The following TMEM156 variants were observed in gnomAD, a reference collection of about 807,000 sequenced individuals.
The protein encoded by TMEM156 is transmembrane protein 156.
Under a neutral mutation model 30.5 loss-of-function variants are expected in TMEM156, and 28 were observed. The ratio of observed to expected loss-of-function variants is 0.92; its 90% CI spans 0.68 to 1.26. TMEM156 has a LOEUF of 1.26. TMEM156 is among the 50% of genes most tolerant of loss of function. The pLI, the probability that TMEM156 is intolerant of heterozygous loss-of-function variation, is 0.00. For synonymous variants in TMEM156, 137 were observed against 119.9 expected (o/e 1.14, Z -0.93); for missense variants, 351 against 340.6 (o/e 1.03, Z -0.24).
chr4:38,972,863 C>T (rs1722672447), intron 5 of TMEM156, among the ~76,000 whole-genome samples: 1 of 152,092 alleles, frequency 6.6e-6, no homozygotes, highest in South Asian at 2.1e-4. Context: ...AATAATTTTG[C>T]CCATTAATTG....
chr4:38,991,661 A>G (rs1411770902), intron 3 of TMEM156, among the ~76,000 whole-genome samples: 1 of 139,698 alleles, frequency 7.2e-6, no homozygotes, highest in Non-Finnish European at 1.6e-5. Context: ...GAATTTATGG[A>G]TTTTTTTCCA....
Position 39,030,528 on chromosome 4 carries a change from C to A in TMEM156, c.88+1698G>T, listed in dbSNP as rs552837616. Among the ~76,000 whole-genome samples the A allele has an allele frequency of 4.1e-4, 62 of 152,286 alleles. 1 individual carries two copies. The highest frequency in any genetic ancestry group is 1.4e-3 in the African/African-American group (58 of 41,556). ...TCTATCTTCTTTCTGCTCACCACTG[C>A]CCCAGAAGGCCATGCTTCTCACTTT... On this transcript the variant is annotated intron_variant, in intron 1 of 6. Transcript: ENST00000381938.
chr4:39,017,595 C>T (rs1714587585), intron 1 of TMEM156, among the ~76,000 whole-genome samples: 1 of 152,138 alleles, frequency 6.6e-6, no homozygotes, highest in Admixed American at 6.5e-5. Flanking sequence ...GTCTATATTC[C>T]TATTCTTCAC....
rs1242666329 is a variant in TMEM156, at chr4:38,993,875, A to G, written c.482T>C (p.Leu161Pro). ...HLEEYNTTCH[L>P]KNHTGRSTIM... ...TGTTGATCTTCCAGTGTGGTTTTTT[A>G]GATGACAGGTAGTGTTATATTCCTC... The change falls in exon 3 of 7, where the codon CTA becomes CCA. Residue 161 changes from leucine to proline, a missense_variant. Transcript: ENST00000381938. 1 of 1,614,130 alleles carries G rather than the reference A, an allele frequency of 6.2e-7. No individual in the cohort carries two copies. The highest frequency in any genetic ancestry group is 2.2e-5 in the East Asian group (1 of 44,856).
chr4:39,017,214 T>G (rs1360812283), intron 1 of TMEM156, among the ~76,000 whole-genome samples: 4 of 137,052 alleles, frequency 2.9e-5, no homozygotes, highest in African/African-American at 5.5e-5. Flanking sequence ...TCGCTCTGTC[T>G]CCCAGGCTGG....
At chr4:39,028,426 C>T (rs893888151) in intron 1 of TMEM156, 4 of 152,194 alleles carry the variant, frequency 2.6e-5, no homozygotes, top group African/African-American at 7.2e-5. Context: ...ATACAAGGAA[C>T]GTCCTCCCAA....
At chr4:39,020,705 A>G (rs543754227) in intron 1 of TMEM156, among the ~76,000 whole-genome samples, 8 of 152,160 alleles carry the variant, frequency 5.3e-5, no homozygotes, top group Admixed American at 5.2e-4. Flanking sequence ...ACATGCCACC[A>G]TGTCCAGCTA....
chr4:39,006,178 G>A (rs1713724167), intron 1 of TMEM156, among the ~76,000 whole-genome samples: 1 of 152,202 alleles, frequency 6.6e-6, no homozygotes, highest in Non-Finnish European at 1.5e-5. Flanking sequence ...TTACAGGCAT[G>A]AACCACTGCC....
Position 38,988,876 on chromosome 4 carries a change from G to T in TMEM156, c.714C>A (p.Gly238=). Residue 238 remains glycine, a synonymous_variant, in exon 4 of 7, where the codon GGC becomes GGA. Coordinates refer to ENST00000381938, the MANE Select transcript of TMEM156 (RefSeq NM_024943.3). The part of the protein sequence containing the change: ...IILTIRKILE[G]QRRVQKWQSH... Reference sequence around the variant, plus strand: ...TCTGCCACTTTTGCACTCTTCTCTGGCCTTCAAGTATTTTGCGGATAGTGA... The same window carrying T: ...TCTGCCACTTTTGCACTCTTCTCTGTCCTTCAAGTATTTTGCGGATAGTGA... 1 of 1,613,984 alleles carries T rather than the reference G, an allele frequency of 6.2e-7. No individual in the cohort carries two copies. Among genetic ancestry groups the T allele is most frequent in the Non-Finnish European group, 8.5e-7 (1 of 1,179,950 alleles).
chr4:38,994,947 A>G (rs979576028), intron 2 of TMEM156, among the ~76,000 whole-genome samples: 8 of 152,092 alleles, frequency 5.3e-5, no homozygotes, highest in South Asian at 2.1e-4. Flanking sequence ...CAAAAAAAAA[A>G]AGAAAAGAAC....
chr4:39,013,840 G>T (rs1714297040), intron 1 of TMEM156, among the ~76,000 whole-genome samples: 1 of 152,114 alleles, frequency 6.6e-6, no homozygotes, highest in Non-Finnish European at 1.5e-5. Context: ...TTCATCCAAA[G>T]GTTTAAATAC....
intron 1 of TMEM156, among the ~76,000 whole-genome samples, chr4:39,006,038 G>A (rs931769535): frequency 7.2e-5 from 11 of 152,152 alleles, no homozygotes; most frequent in Non-Finnish European, 1.5e-4. Flanking sequence ...TGGGATTACA[G>A]GCATCTGCCG....
chr4:38,975,598 G>A (rs1722813767), intron 5 of TMEM156, among the ~76,000 whole-genome samples: 1 of 151,858 alleles, frequency 6.6e-6, no homozygotes, highest in Admixed American at 6.6e-5. Context: ...GGCTAGGCTG[G>A]CCTCGAACTT....
intron 3 of TMEM156, among the ~76,000 whole-genome samples, chr4:38,990,769 AC>A (rs1712363366): frequency 7.1e-6 from 1 of 141,022 alleles, no homozygotes; most frequent in Non-Finnish European, 1.5e-5. Flanking sequence ...GAAGGCTTTT[AC>A]TCCCACCAAA....
At position 38,972,145 on chromosome 4, in the gene TMEM156, C is replaced by T. The variant is rs377301914; in HGVS notation, c.824-1008G>A. Among the ~76,000 whole-genome samples the T allele has an allele frequency of 3.3e-4, 50 of 150,756 alleles. 1 individual carries two copies. In the South Asian group the frequency reaches 9.4e-3, roughly 28 times the overall value. ...GTGGTTGCTACTTAAGAAGAGAAAT[C>T]AGAAAGGGAGATTTAGTGTATTCAA... On this transcript the variant is annotated intron_variant, in intron 5 of 6. Transcript: ENST00000381938.
intron 1 of TMEM156, among the ~76,000 whole-genome samples, chr4:39,011,821 A>G (rs186271867): frequency 1.3e-5 from 2 of 152,154 alleles, no homozygotes; most frequent in African/African-American, 4.8e-5. Context: ...TACACCATGG[A>G]ATACTATTCA....
At chr4:39,004,775 C>T (rs1224461928) in intron 1 of TMEM156, among the ~76,000 whole-genome samples, 1 of 152,104 alleles carries the variant, frequency 6.6e-6, no homozygotes, top group East Asian at 1.9e-4. Context: ...AACTCTCATA[C>T]ATTGCTGGTA....
At chr4:39,018,096 A>AT (rs968509502) in intron 1 of TMEM156, among the ~76,000 whole-genome samples, 394 of 151,110 alleles carry the variant, frequency 2.6e-3, no homozygotes, top group African/African-American at 6.1e-3. Flanking sequence ...TGATTCAGTG[A>AT]TTTTTTTTTC....
Position 39,009,193 on chromosome 4 carries a change from C to T in TMEM156, c.89-10284G>A, listed in dbSNP as rs528986520. Among the ~76,000 whole-genome samples the T allele has an allele frequency of 1.1e-4, 17 of 151,892 alleles. No homozygotes were observed. The South Asian group carries it at 3.3e-3, about 30-fold the overall frequency. ...AAACACACAACCTCCCAAGACTGAA[C>T]CAGGAAGGAACAGAAATTTCAAACA... On this transcript the variant is annotated intron_variant, in intron 1 of 6. Coordinates refer to ENST00000381938, the MANE Select transcript of TMEM156 (RefSeq NM_024943.3).
Sources: gnomAD v4.1 joint callset for allele counts (sites outside exome capture counted in the v4.1 genomes callset) on GRCh38, gnomAD v4.1.1 for gene constraint, MANE v1.5 for transcripts, NCBI Gene and HGNC (gene_info 2026-07-23, HGNC 2026-07-21) for gene names.